ADORA1: variants seen among roughly 807,000 people sequenced by gnomAD.
ADORA1 encodes the protein adenosine receptor A1.
Under a neutral mutation model 19.9 loss-of-function variants are expected in ADORA1, and 6 were observed. The ratio of observed to expected loss-of-function variants is 0.30; its 90% CI spans 0.17 to 0.59. The LOEUF (loss-of-function observed/expected upper bound fraction) is 0.59, where lower values mean the gene tolerates loss of function less well. ADORA1 is among the 20% of genes least tolerant of loss of function. ADORA1 has a pLI of 0.87. For missense variants in ADORA1, 302 were observed against 439.2 expected (o/e 0.69, Z 2.79); for synonymous variants, 194 against 188.4 (o/e 1.03, Z -0.24).
Position 203,128,249 on chromosome 1 carries a change from C to A in ADORA1, c.-212-29C>A. On this transcript the variant is annotated intron_variant, in intron 1 of 3. Transcript: ENST00000337894. This position sits in a 1 kb window ranked among gnomAD's most constrained non-coding sequence, Gnocchi z 5.9. The stretch of plus-strand genomic sequence containing the variant: ...TCTTTAAAAGCGTCCGGGGCTGAGT[C>A]TCTGCCGTACCATGTGATTGCTTGA... The A allele has an allele frequency of 8.8e-7, 1 of 1,136,148 alleles. No individual in the cohort carries two copies. The highest frequency in any genetic ancestry group is 1.4e-5 in the South Asian group (1 of 72,064). 70.4% of individuals were successfully genotyped at this position (1,136,148 alleles called of 1,614,324 possible).
In ADORA1 at chr1:203,128,916, C is replaced by T. The variant is rs752086617; in HGVS notation, c.75C>T (p.Pro25=). 3.1e-6 allele frequency: 5 copies of T among 1,613,676 alleles called. No individual in the cohort carries two copies. In the East Asian group the frequency reaches 8.9e-5, roughly 29 times the overall value. The change falls in exon 3 of 4, where the codon CCC becomes CCT. Residue 25 remains proline, a synonymous_variant. Coordinates refer to ENST00000337894, the MANE Select transcript of ADORA1 (RefSeq NM_000674.3). This position sits in a 1 kb window ranked among gnomAD's most constrained non-coding sequence, Gnocchi z 5.9. ...TGCTCATCGCCCTGGTCTCTGTGCC[C>T]GGGAACGTGCTGGTGATCTGGGCGG... is the stretch of plus-strand genomic sequence containing the variant. ...IEVLIALVSV[P]GNVLVIWAVK... is the part of the protein sequence containing the mutation.
At chr1:203,136,065 C>T (rs750803062) in intron 3 of ADORA1, among the ~76,000 whole-genome samples, 5 of 152,094 alleles carry the variant, frequency 3.3e-5, no homozygotes, top group African/African-American at 7.2e-5. Flanking sequence ...TGGCCTCATT[C>T]GGCAGGTGGG....
chr1:203,136,087 A>G (rs1008992791), intron 3 of ADORA1, among the ~76,000 whole-genome samples: 2 of 152,160 alleles, frequency 1.3e-5, no homozygotes, highest in Admixed American at 6.5e-5. Context: ...ACAGACACAT[A>G]GAGCAGAGAG....
rs73075718 is a variant in ADORA1 at position 203,162,549 on chromosome 1, C to T, written c.342-2712C>T. ...GGCTGGACGGCAGCACCAGAGGTCA[C>T]CTACCCCACCCCACTGACTCTGGGT... On this transcript the variant is annotated intron_variant, in intron 3 of 3. Coordinates refer to ENST00000337894, the MANE Select transcript of ADORA1 (RefSeq NM_000674.3). Among the ~76,000 whole-genome samples, 599 of 152,294 alleles carry T rather than the reference C, an allele frequency of 3.9e-3. 7 individuals are homozygous for T. Among genetic ancestry groups the T allele is most frequent in the African/African-American group, 0.014 (578 of 41,562 alleles).
intron 3 of ADORA1, among the ~76,000 whole-genome samples, chr1:203,137,547 T>G (rs1219541976): frequency 6.6e-6 from 1 of 152,152 alleles, no homozygotes; most frequent in East Asian, 1.9e-4. Context: ...TTAGGTGCTA[T>G]TGCAGTGATT....
Position 203,148,699 on chromosome 1 carries a change from T to C in ADORA1, c.342-16562T>C, listed in dbSNP as rs149581699. On this transcript the variant is annotated intron_variant, in intron 3 of 3. Coordinates refer to ENST00000337894, the MANE Select transcript of ADORA1 (RefSeq NM_000674.3). ...AAGTTGGAGGCCCTGGGGTTGGACC[T>C]TCCAAATGTCCCAGACTGTCAGTGT... Among the ~76,000 whole-genome samples, 787 of 152,278 alleles carry C rather than the reference T, an allele frequency of 5.2e-3. 9 individuals carry two copies. Among genetic ancestry groups the C allele is most frequent in the South Asian group, 0.029 (142 of 4,820 alleles).
chr1:203,141,271 A>T (rs1270510809), intron 3 of ADORA1, among the ~76,000 whole-genome samples: 1 of 152,188 alleles, frequency 6.6e-6, no homozygotes, highest in Non-Finnish European at 1.5e-5. Flanking sequence ...CTCATGTAGG[A>T]GAGAACACTT....
rs1385659321 is a variant in ADORA1 at position 203,165,830 on chromosome 1, A to G, written c.911A>G (p.Asn304Ser). 3.1e-6 allele frequency: 5 copies of G among 1,607,904 alleles called. No homozygotes were observed. Among genetic ancestry groups the G allele is most frequent in the South Asian group, 1.1e-5 (1 of 89,996 alleles). ...KFRVTFLKIW[N>S]DHFRCQPAPP... Reference sequence around the variant, plus strand: ...CGCGTCACCTTCCTTAAGATTTGGAATGACCATTTCCGCTGCCAGCCTGCA... The same window carrying G: ...CGCGTCACCTTCCTTAAGATTTGGAGTGACCATTTCCGCTGCCAGCCTGCA... Residue 304 changes from asparagine (N) to serine (S), a missense_variant, in exon 4 of 4, where the codon AAT (asparagine) becomes AGT (serine). Transcript: ENST00000337894. The surrounding 1 kb of genome is among the most constrained non-coding windows in gnomAD (Gnocchi z 5.9).
intron 3 of ADORA1, among the ~76,000 whole-genome samples, chr1:203,148,989 T>C (rs1048775366): frequency 3.9e-5 from 6 of 152,174 alleles, no homozygotes; most frequent in Admixed American, 3.9e-4. Flanking sequence ...GCGATTCTCC[T>C]GCCTCAGCCT....
chr1:203,146,396 A>G (rs1299689373), intron 3 of ADORA1, among the ~76,000 whole-genome samples: 1 of 152,122 alleles, frequency 6.6e-6, no homozygotes, highest in Admixed American at 6.5e-5. Flanking sequence ...TCGGAGGCCA[A>G]GGTGGGAGGA....
chr1:203,140,474 C>T (rs1000995174), intron 3 of ADORA1, among the ~76,000 whole-genome samples: 5 of 152,184 alleles, frequency 3.3e-5, no homozygotes, highest in South Asian at 2.1e-4. Flanking sequence ...AATTGGAGGA[C>T]GATTCAGATC....
Position 203,154,385 on chromosome 1 carries a change from G to C in ADORA1, c.342-10876G>C, listed in dbSNP as rs74437047. ...AACCAGGAACACAAAAATCATTTTAGGTGTTTACAGCCGAGGGCCTTATAC... is the reference window on the plus strand; with the variant it reads ...AACCAGGAACACAAAAATCATTTTACGTGTTTACAGCCGAGGGCCTTATAC... On this transcript the variant is annotated intron_variant, in intron 3 of 3. Transcript: ENST00000337894. 4.1e-3 allele frequency among the ~76,000 whole-genome samples: 631 copies of C among 152,288 alleles called. 6 individuals are homozygous for C. The highest frequency in any genetic ancestry group is 0.013 in the African/African-American group (545 of 41,534).
chr1:203,163,096 G>A (rs914009335), intron 3 of ADORA1, among the ~76,000 whole-genome samples: 3 of 152,234 alleles, frequency 2.0e-5, no homozygotes, highest in African/African-American at 7.2e-5. Flanking sequence ...AACACATTGA[G>A]ATGGTCAGGA....
chr1:203,147,841 A>G (rs999695026), intron 3 of ADORA1, among the ~76,000 whole-genome samples: 2 of 152,232 alleles, frequency 1.3e-5, no homozygotes, highest in African/African-American at 4.8e-5. Flanking sequence ...TCACTCCACA[A>G]TGTATAAATG....
chr1:203,139,104 C>G (rs1558128985), intron 3 of ADORA1, among the ~76,000 whole-genome samples: 1 of 152,312 alleles, frequency 6.6e-6, no homozygotes, highest in East Asian at 1.9e-4. Context: ...CAGGCGTGAG[C>G]CACCGTGCCT....
chr1:203,140,166 G>A (rs1008790738), intron 3 of ADORA1, among the ~76,000 whole-genome samples: 2 of 152,160 alleles, frequency 1.3e-5, no homozygotes, highest in East Asian at 1.9e-4. Context: ...AACATAAGAG[G>A]GTCACTCTGC....
chr1:203,143,945 T>G (rs1558131013), intron 3 of ADORA1, among the ~76,000 whole-genome samples: 1 of 152,204 alleles, frequency 6.6e-6, no homozygotes, highest in Non-Finnish European at 1.5e-5. Flanking sequence ...CTCCCCGGCT[T>G]GGAAGCGCAG....
intron 3 of ADORA1, among the ~76,000 whole-genome samples, chr1:203,142,190 T>TA (rs1654717373): frequency 2.6e-5 from 4 of 152,240 alleles, no homozygotes; most frequent in Admixed American, 2.6e-4. Flanking sequence ...GTGGGGCTGT[T>TA]ACTGTTGTTA....
intron 3 of ADORA1, among the ~76,000 whole-genome samples, chr1:203,147,614 C>T (rs1378570272): frequency 6.6e-6 from 1 of 152,142 alleles, no homozygotes; most frequent in Non-Finnish European, 1.5e-5. Flanking sequence ...AGTCCCCAGC[C>T]CAGATTGTCT....
Sources: allele counts gnomAD v4.1 joint callset (sites outside exome capture counted in the v4.1 genomes callset), GRCh38; gene constraint gnomAD v4.1.1; non-coding constraint Gnocchi (gnomAD v3.1); transcripts MANE v1.5; gene names NCBI Gene and HGNC (gene_info 2026-07-23, HGNC 2026-07-21).